DACH2: variants seen among roughly 807,000 people sequenced by gnomAD.
DACH2 encodes the protein dachshund homolog 2.
DACH2 carries 17 observed loss-of-function variants against 35.8 expected under a neutral mutation model. The observed-to-expected ratio is 0.48, with a 90% CI of 0.33 to 0.71. The LOEUF is 0.71. Among genes scored for constraint, DACH2 ranks in the 30% least tolerant of loss-of-function variants. The pLI is 0.02. For synonymous variants in DACH2, 195 were observed against 177.3 expected, an observed-to-expected ratio of 1.10 and a Z score of -0.79; for missense variants, 469 against 472.7, an observed-to-expected ratio of 0.99 and a Z score of 0.07.
intron 1 of DACH2, among the ~76,000 whole-genome samples, chrX:86,345,768 A>G (rs959137675): frequency 2.7e-5 from 3 of 111,760 alleles, no homozygotes; most frequent in African/African-American, 9.7e-5. Context: ...TTCCCTTACA[A>G]AATGAGACGG....
chrX:86,741,702 G>T (rs973775788), intron 7 of DACH2, among the ~76,000 whole-genome samples: 1 of 111,539 alleles, frequency 9.0e-6, no homozygotes, highest in Non-Finnish European at 1.9e-5. Flanking sequence ...AAACCAAAAG[G>T]ACACATTCTT....
intron 1 of DACH2, among the ~76,000 whole-genome samples, chrX:86,341,882 G>T (rs1158119360): frequency 8.9e-6 from 1 of 112,002 alleles, no homozygotes; most frequent in Admixed American, 9.5e-5. Flanking sequence ...GGAGCCTGAA[G>T]ATGTGAATGA....
intron 1 of DACH2, among the ~76,000 whole-genome samples, chrX:86,232,809 A>G (rs2032977713): frequency 8.9e-6 from 1 of 112,231 alleles, no homozygotes; most frequent in Non-Finnish European, 1.9e-5. Context: ...TAAAAGTAGA[A>G]CTATCATTCA....
At chrX:86,207,916 C>A (rs368696734) in intron 1 of DACH2, among the ~76,000 whole-genome samples, 2 of 111,302 alleles carry the variant, frequency 1.8e-5, no homozygotes, top group East Asian at 5.6e-4. Context: ...TACTATAATA[C>A]TTATTTCAGC....
At chrX:86,673,346 A>G (rs1184623716) in intron 4 of DACH2, among the ~76,000 whole-genome samples, 3 of 108,744 alleles carry the variant, frequency 2.8e-5, no homozygotes, top group Admixed American at 9.9e-5. Context: ...AAAAAAAAAA[A>G]AAAAAAAAAA....
chrX:86,226,808 GA>G (rs1225652484), intron 1 of DACH2, among the ~76,000 whole-genome samples: 2 of 111,030 alleles, frequency 1.8e-5, no homozygotes, highest in African/African-American at 6.5e-5. Context: ...TGTTGTGTGT[GA>G]AAAAATTTGC....
chrX:86,536,235 G>A (rs905462577), intron 3 of DACH2, among the ~76,000 whole-genome samples: 3 of 111,664 alleles, frequency 2.7e-5, no homozygotes, highest in Non-Finnish European at 5.6e-5. Context: ...CAGGACCAAA[G>A]TAAGTCCTGA....
intron 7 of DACH2, among the ~76,000 whole-genome samples, chrX:86,789,966 G>A (rs768801816): frequency 1.1e-4 from 12 of 111,414 alleles, no homozygotes; most frequent in East Asian, 8.5e-4. Context: ...TGATTTTCTC[G>A]GTTGTAATTC....
chrX:86,629,416 A>G (rs17325487), intron 3 of DACH2, among the ~76,000 whole-genome samples: 13,421 of 110,640 alleles, frequency 0.12, 718 homozygotes, highest in East Asian at 0.32. Context: ...AAAATGCTCA[A>G]ATAAGTCACC....
chrX:86,195,075 G>C (rs2031941534), intron 1 of DACH2, among the ~76,000 whole-genome samples: 1 of 112,922 alleles, frequency 8.9e-6, no homozygotes, highest in African/African-American at 3.2e-5. Flanking sequence ...TCCCCACACT[G>C]CAGCTTCCCC....
At chrX:86,464,550 A>C (rs1036755708) in intron 2 of DACH2, among the ~76,000 whole-genome samples, 3 of 111,269 alleles carry the variant, frequency 2.7e-5, no homozygotes, top group African/African-American at 9.8e-5. Context: ...GAAAAGCATT[A>C]GTACAAATAC....
chrX:86,537,346 C>T (rs950251774), intron 3 of DACH2, among the ~76,000 whole-genome samples: 35 of 111,419 alleles, frequency 3.1e-4, no homozygotes, highest in African/African-American at 1.1e-3. Context: ...GGTCTTCTTC[C>T]TCTGGCCTGT....
chrX:86,327,065 A>C (rs1018840864), intron 1 of DACH2, among the ~76,000 whole-genome samples: 1 of 112,110 alleles, frequency 8.9e-6, no homozygotes, highest in African/African-American at 3.2e-5. Flanking sequence ...ACAGATTTGA[A>C]CTTGAGTAAT....
At chrX:86,805,602 A>G (rs2042337174) in intron 7 of DACH2, among the ~76,000 whole-genome samples, 1 of 111,157 alleles carries the variant, frequency 9.0e-6, no homozygotes, top group Admixed American at 9.5e-5. Context: ...AATTTTCCAA[A>G]CTTTTATGCC....
chrX:86,582,821 A>T (rs1080777), intron 3 of DACH2, among the ~76,000 whole-genome samples: 48,846 of 105,528 alleles, frequency 0.46, 9,948 homozygotes, highest in African/African-American at 0.75. Context: ...AAAACTATTT[A>T]AAAAAAAAAT....
At chrX:86,821,174 C>T (rs1346310764) in intron 11 of DACH2, among the ~76,000 whole-genome samples, 1 of 110,731 alleles carries the variant, frequency 9.0e-6, no homozygotes, top group Non-Finnish European at 1.9e-5. Context: ...ACTCACCAAC[C>T]ATTAATTATT....
chrX:86,531,348 C>T (rs2038717409), intron 3 of DACH2, among the ~76,000 whole-genome samples: 1 of 111,536 alleles, frequency 9.0e-6, no homozygotes, highest in African/African-American at 3.3e-5. Context: ...CCCAGCCCCT[C>T]CCATCACAGA....
rs184137822 is a variant in DACH2, at chrX:86,734,987, G to A, written c.1105-4760G>A. 3.7e-3 allele frequency among the ~76,000 whole-genome samples: 412 copies of A among 111,244 alleles called. 2 individuals carry two copies. The highest frequency in any genetic ancestry group is 0.013 in the African/African-American group (398 of 30,778). On this transcript the variant is annotated intron_variant, in intron 6 of 11. Coordinates refer to ENST00000373125, the MANE Select transcript of DACH2 (RefSeq NM_053281.3). Reference sequence around the variant, plus strand: ...TAGCAAAATGCCATTAAATCCTTTAGGAACACATTAATAGATTAACATTTG... The same window carrying A: ...TAGCAAAATGCCATTAAATCCTTTAAGAACACATTAATAGATTAACATTTG...
At chrX:86,710,465 A>G (rs1393554278) in intron 5 of DACH2, among the ~76,000 whole-genome samples, 3 of 112,442 alleles carry the variant, frequency 2.7e-5, no homozygotes, top group Non-Finnish European at 5.6e-5. Context: ...CAAGATAGTA[A>G]TATGAGGGCC....
Sources: gnomAD v4.1 joint callset for allele counts (sites outside exome capture counted in the v4.1 genomes callset) on GRCh38, gnomAD v4.1.1 for gene constraint, MANE v1.5 for transcripts, NCBI Gene and HGNC (gene_info 2026-07-23, HGNC 2026-07-21) for gene names.